The following SDHD variants were observed in gnomAD, a reference collection of about 807,000 sequenced individuals.
SDHD encodes succinate dehydrogenase complex subunit D, also known as succinate dehydrogenase [ubiquinone] cytochrome b small subunit, mitochondrial.
SDHD carries 6 observed loss-of-function variants against 18.7 expected under a neutral mutation model. The observed-to-expected ratio is 0.32, with a 90% confidence interval of 0.18 to 0.63. The LOEUF is 0.63. SDHD is among the 30% of genes least tolerant of loss of function. The pLI is 0.79. For missense variants in SDHD, 160 were observed against 192.7 expected (o/e 0.83, Z 1.00); for synonymous variants, 56 against 73.9 (o/e 0.76, Z 1.24).
chr11:112,094,633 C>T (rs967850717), intron 3 of SDHD, among the ~76,000 whole-genome samples, 172 bp from the exon 4 acceptor site: 12 of 152,148 alleles, frequency 7.9e-5, no homozygotes, highest in African/African-American at 1.7e-4. Context: ...GACATACACA[C>T]GCAAAAGGCT....
At chr11:112,093,272 G>C in intron 3 of SDHD, 1 of 252,626 alleles carries the variant, frequency 4.0e-6, no homozygotes, top group Non-Finnish European at 8.1e-6. Context: ...CTCCTTGTTG[G>C]TCAGGCTGGT....
intron 2 of SDHD, 67 bp downstream of exon 2, chr11:112,088,040 C>T (rs761010868): frequency 8.9e-5 from 99 of 1,107,454 alleles, no homozygotes; most frequent in Non-Finnish European, 1.2e-4. Flanking sequence ...ATGGTCATGC[C>T]TTTAGCAGGA....
intron 3 of SDHD, among the ~76,000 whole-genome samples, chr11:112,089,865 A>ATT (rs780972608): frequency 2.6e-4 from 39 of 151,782 alleles, no homozygotes; most frequent in Non-Finnish European, 5.1e-4. Flanking sequence ...TCTGTTCATT[A>ATT]TTTTATATAG....
At chr11:112,092,730 T>G (rs945280867) in intron 3 of SDHD, among the ~76,000 whole-genome samples, 2 of 152,156 alleles carry the variant, frequency 1.3e-5, no homozygotes, top group African/African-American at 4.8e-5. Context: ...AAAGTTAACC[T>G]TAGAGTTACC....
In SDHD at chr11:112,087,886, C is replaced by T. The variant is rs541477171; in HGVS notation, c.82C>T (p.Pro28Ser). 2.5e-6 allele frequency: 4 copies of T among 1,613,726 alleles called. No homozygotes were observed. In the South Asian group the frequency reaches 3.3e-5, roughly 13 times the overall value. ...GTTGCTTCGAACTCCAGTGGTCAGA[C>T]CTGCTCATATCTCAGCATTTCTTCA... The part of the protein sequence containing the change: ...ALLLRTPVVR[P>S]AHISAFLQDR... The change falls in exon 2 of 4, where the codon CCT becomes TCT. Residue 28 changes from proline (P) to serine (S), a missense_variant. Coordinates refer to ENST00000375549, the MANE Select transcript of SDHD (RefSeq NM_003002.4).
Position 112,092,604 on chromosome 11 carries a change from A to G in SDHD, c.315-2201A>G, listed in dbSNP as rs117575644. 6.1e-3 allele frequency among the ~76,000 whole-genome samples: 923 copies of G among 152,314 alleles called. 7 individuals carry two copies. Among genetic ancestry groups the G allele is most frequent in the Non-Finnish European group, 0.011 (751 of 68,046 alleles). ...ACACCCCATTAGGATGGCTGTAATA[A>G]AAGATGGGCAGTTTTAAGTGTTGCT... On this transcript the variant is annotated intron_variant, in intron 3 of 3. Transcript: ENST00000375549.
chr11:112,093,103 T>G (rs1003501064), intron 3 of SDHD: 3 of 359,840 alleles, frequency 8.3e-6, no homozygotes, highest in Non-Finnish European at 1.7e-5. Context: ...GGTGCGATCT[T>G]GGCTCGGCAC....
chr11:112,094,844 T>C lies in SDHD; in HGVS notation c.354T>C (p.Asp118=), dbSNP rs911663426. ...TTGTTACTGACTATGTTCATGGGGATGCCTTGCAGAAAGCTGCCAAGGCAG... is the reference window on the plus strand; with the variant it reads ...TTGTTACTGACTATGTTCATGGGGACGCCTTGCAGAAAGCTGCCAAGGCAG... ...GQVVTDYVHG[D]ALQKAAKAGL... Residue 118 remains aspartate, a synonymous_variant, in exon 4 of 4, where the codon GAT becomes GAC. Transcript: ENST00000375549. 6.2e-7 allele frequency: 1 copy of C among 1,612,080 alleles called. No homozygotes were observed. The highest frequency in any genetic ancestry group is 8.5e-7 in the Non-Finnish European group (1 of 1,179,868).
At chr11:112,088,062 T>C (rs1485344716) in intron 2 of SDHD, 89 bp downstream of exon 2, 2 of 906,518 alleles carry the variant, frequency 2.2e-6, no homozygotes, top group Non-Finnish European at 3.7e-6. Context: ...TTCCTACCTG[T>C]AGGGGGGACT....
chr11:112,092,620 A>G (rs1012207034), intron 3 of SDHD, among the ~76,000 whole-genome samples: 8 of 152,200 alleles, frequency 5.3e-5, no homozygotes, highest in African/African-American at 1.9e-4. Flanking sequence ...GGGCAGTTTT[A>G]AGTGTTGCTG....
In SDHD at chr11:112,095,693, G is replaced by A. The variant is rs1333489635; in HGVS notation, c.*723G>A. The A allele has an allele frequency of 4.6e-6, 1 of 219,572 alleles. No homozygotes were observed. Among genetic ancestry groups the A allele is most frequent in the Non-Finnish European group, 9.1e-6 (1 of 109,944 alleles). The allele number at this position is 219,572 out of a possible 1,614,324, so 13.6% of individuals were successfully genotyped here. On this transcript the variant is annotated 3_prime_UTR_variant, in exon 4 of 4. Transcript: ENST00000375549. ...AATATAAAACTATAAGTAATAAATT[G>A]TTATTTTCGCACAATGGGAATCTCT...
chr11:112,094,617 C>G (rs1865804396), intron 3 of SDHD, among the ~76,000 whole-genome samples, 188 bp from the exon 4 acceptor site: 1 of 152,112 alleles, frequency 6.6e-6, no homozygotes, highest in Non-Finnish European at 1.5e-5. Flanking sequence ...TAGAAATAGA[C>G]TTACTGACAT....
At chr11:112,091,343 G>T (rs1865742697) in intron 3 of SDHD, among the ~76,000 whole-genome samples, 1 of 152,134 alleles carries the variant, frequency 6.6e-6, no homozygotes, top group Admixed American at 6.5e-5. Context: ...TGAAGTCTCA[G>T]CCGCCTTCAA....
At chr11:112,091,022 G>A (rs1865736198) in intron 3 of SDHD, 1 of 778,782 alleles carries the variant, frequency 1.3e-6, no homozygotes, top group Non-Finnish European at 1.6e-6. Flanking sequence ...ATCTGGTTTT[G>A]TAGGACTGGT....
chr11:112,090,724 G>C (rs1224110027), intron 3 of SDHD, among the ~76,000 whole-genome samples: 2 of 150,928 alleles, frequency 1.3e-5, no homozygotes, highest in African/African-American at 4.9e-5. Context: ...TTGGGACGGA[G>C]TCTCACTCTC....
At position 112,088,961 on chromosome 11, in the gene SDHD, C is replaced by T. The variant is rs761615413; in HGVS notation, c.264C>T (p.Cys88=). 4 of 1,614,022 alleles carry T rather than the reference C, an allele frequency of 2.5e-6. No individual in the cohort carries two copies. The highest frequency in any genetic ancestry group is 3.4e-6 in the Non-Finnish European group (4 of 1,180,028). ...GLLPAAYLNP[C]SAMDYSLAAA... ...TTCCGGCTGCTTATTTGAATCCTTG[C>T]TCTGCGATGGACTATTCCCTGGCTG... The change falls in exon 3 of 4, where the codon TGC becomes TGT. Residue 88 remains cysteine, a synonymous_variant. Transcript: ENST00000375549.
chr11:112,091,720 A>T (rs999146767), intron 3 of SDHD, among the ~76,000 whole-genome samples: 2 of 151,922 alleles, frequency 1.3e-5, no homozygotes, highest in Non-Finnish European at 2.9e-5. Context: ...GTCATTCTAG[A>T]TATTTCTTTT....
Position 112,092,839 on chromosome 11 carries a change from A to G in SDHD, c.315-1966A>G, listed in dbSNP as rs189331365. On this transcript the variant is annotated intron_variant, in intron 3 of 3. Coordinates refer to ENST00000375549, the MANE Select transcript of SDHD (RefSeq NM_003002.4). ...AGGAATGATCATAGCAGCATTATTT[A>G]TAATAGCCAAAGAGTGGAAACAATC... Among the ~76,000 whole-genome samples the G allele has an allele frequency of 4.6e-5, 7 of 152,298 alleles. No individual in the cohort carries two copies. The East Asian group carries it at 1.3e-3, about 29-fold the overall frequency.
Position 112,095,252 on chromosome 11 carries a change from T to C in SDHD, c.*282T>C, listed in dbSNP as rs1262766049. The C allele has an allele frequency of 4.4e-6, 2 of 458,038 alleles. No individual in the cohort carries two copies. Among genetic ancestry groups the C allele is most frequent in the Non-Finnish European group, 4.0e-6 (1 of 248,760 alleles). 28.4% of individuals were successfully genotyped at this position (458,038 alleles called of 1,614,324 possible). On this transcript the variant is annotated 3_prime_UTR_variant, in exon 4 of 4. Transcript: ENST00000375549. ...GTATAACTAAACATGATATATCAGC[T>C]TTTGCCTTTCAATTTATCAATCTCT...
Sources: gnomAD v4.1 joint callset for allele counts (sites outside exome capture counted in the v4.1 genomes callset) on GRCh38, gnomAD v4.1.1 for gene constraint, MANE v1.5 for transcripts, NCBI Gene and HGNC (gene_info 2026-07-23, HGNC 2026-07-21) for gene names.